Variants in ARHGDIB observed in about 807,000 individuals in gnomAD.
ARHGDIB encodes rho GDP-dissociation inhibitor 2.
In ARHGDIB, 20 loss-of-function variants were observed where a neutral mutation model predicts 22.6. The observed-to-expected ratio is 0.88, with a 90% CI of 0.62 to 1.28. The LOEUF (loss-of-function observed/expected upper bound fraction) is 1.28. Among genes scored for constraint, ARHGDIB ranks in the 50% most tolerant of loss-of-function variants. The probability of loss-of-function intolerance (pLI) is 0.00; values close to 1 mark genes in which losing one functional copy is unlikely to be tolerated. For synonymous variants in ARHGDIB, 114 were observed against 96.1 expected, an observed-to-expected ratio of 1.19 and a Z score of -1.09; for missense variants, 254 against 245.4, an observed-to-expected ratio of 1.04 and a Z score of -0.23.
chr12:14,942,726 G>C lies in ARHGDIB; in HGVS notation c.407-5C>G. The stretch of plus-strand genomic sequence containing the variant: ...CCATAAATGTTGCTTTATCCACTAA[G>C]AAGAAAGAAGAGTTCATTAGGGTAA... On this transcript the variant is annotated splice_region_variant and splice_polypyrimidine_tract_variant and intron_variant, in intron 5 of 5. Coordinates refer to ENST00000228945, the MANE Select transcript of ARHGDIB (RefSeq NM_001175.7). The C allele has an allele frequency of 1.2e-6, 2 of 1,613,270 alleles. No homozygotes were observed. The highest frequency in any genetic ancestry group is 1.7e-6 in the Non-Finnish European group (2 of 1,179,838).
intron 4 of ARHGDIB, among the ~76,000 whole-genome samples, chr12:14,947,312 A>G (rs1864041255): frequency 6.6e-6 from 1 of 152,198 alleles, no homozygotes; most frequent in Non-Finnish European, 1.5e-5. Flanking sequence ...TTTCCTGGTT[A>G]CCTGTTCCAC....
Position 14,950,892 on chromosome 12 carries a change from A to C in ARHGDIB, c.-12-168T>G, listed in dbSNP as rs2302747. 5.8e-3 allele frequency: 3,248 copies of C among 557,322 alleles called. 62 individuals are homozygous for C. Among genetic ancestry groups the C allele is most frequent in the African/African-American group, 0.05 (2,622 of 52,662 alleles). 34.5% of individuals were successfully genotyped at this position (557,322 alleles called of 1,614,324 possible). On this transcript the variant is annotated intron_variant, in intron 1 of 5. Transcript: ENST00000228945. ...ATTAAATTCTATGAAATAATAATCTAATGTATTCTAGTAATTTCTCTGACC... is the reference window on the plus strand; with the variant it reads ...ATTAAATTCTATGAAATAATAATCTCATGTATTCTAGTAATTTCTCTGACC...
At chr12:14,956,984 G>C (rs1864314042) in intron 1 of ARHGDIB, among the ~76,000 whole-genome samples, 1 of 152,216 alleles carries the variant, frequency 6.6e-6, no homozygotes, top group Admixed American at 6.5e-5. Context: ...TGTCAGGATA[G>C]AGCATCATCT....
In ARHGDIB at chr12:14,942,138, C is replaced by T. The variant is rs751524135; in HGVS notation, c.*384G>A. ...GACTAGGGACTCATTGGGCCAGCAACAACCACAAAAGAATCTAGGCATTAG... is the reference window on the plus strand; with the variant it reads ...GACTAGGGACTCATTGGGCCAGCAATAACCACAAAAGAATCTAGGCATTAG... On this transcript the variant is annotated 3_prime_UTR_variant, in exon 6 of 6. Transcript: ENST00000228945. 1 of 217,774 alleles carries T rather than the reference C, an allele frequency of 4.6e-6. No individual in the cohort carries two copies. 13.5% of individuals were successfully genotyped at this position (217,774 alleles called of 1,614,324 possible).
chr12:14,942,527 C>A lies in ARHGDIB; in HGVS notation c.601G>T (p.Glu201Ter), dbSNP rs1437780684. 6 of 1,614,116 alleles carry A rather than the reference C, an allele frequency of 3.7e-6. 2 individuals are homozygous for A. The South Asian group carries it at 6.6e-5, about 18-fold the overall frequency. The change falls in exon 6 of 6, where the codon GAA becomes TAA. Residue 201 changes from glutamate to a stop codon, truncating the protein, a stop_gained. Transcript: ENST00000228945. LOFTEE classifies it high-confidence loss of function. Reference sequence around the variant, plus strand: ...GGGGAAAGGGGTGGATGCATTCATTCTGTCCACTCCTTCTTAATCGACAGG... The same window carrying A: ...GGGGAAAGGGGTGGATGCATTCATTATGTCCACTCCTTCTTAATCGACAGG... ...WNLSIKKEWT[E>*] is the part of the protein sequence containing the mutation.
intron 3 of ARHGDIB, among the ~76,000 whole-genome samples, 188 bp from the exon 4 acceptor site, chr12:14,948,137 C>CACAA (rs1565460774): frequency 4.1e-5 from 6 of 145,390 alleles, no homozygotes; most frequent in Non-Finnish European, 7.6e-5. Context: ...CACACACACA[C>CACAA]TTAATGCCTG....
intron 5 of ARHGDIB, among the ~76,000 whole-genome samples, chr12:14,943,377 G>GTTTTT (rs10713403): frequency 2.1e-5 from 3 of 143,886 alleles, no homozygotes; most frequent in African/African-American, 7.8e-5. Flanking sequence ...GATTAAGCCT[G>GTTTTT]TTTTTTTTTT....
At chr12:14,959,690 CAG>C (rs1318016644) in intron 1 of ARHGDIB, among the ~76,000 whole-genome samples, 12 of 152,230 alleles carry the variant, frequency 7.9e-5, no homozygotes, top group African/African-American at 2.2e-4. Flanking sequence ...CTACTGAAAA[CAG>C]AACCTTAATG....
chr12:14,948,000 TTAA>T (rs1429167425), intron 3 of ARHGDIB, 51 bp from the exon 4 acceptor site: 1 of 1,492,672 alleles, frequency 6.7e-7, no homozygotes, highest in Admixed American at 1.7e-5. Flanking sequence ...GATACACAAG[TTAA>T]TAAATGACTT....
At chr12:14,948,222 C>G (rs1469516146) in intron 3 of ARHGDIB, among the ~76,000 whole-genome samples, 1 of 152,004 alleles carries the variant, frequency 6.6e-6, no homozygotes, top group African/African-American at 2.4e-5. Flanking sequence ...TAAAAATACA[C>G]AAGACATTAC....
rs755235763 is a variant in ARHGDIB at position 14,947,916 on chromosome 12, A to C, written c.299T>G (p.Val100Gly). The part of the protein sequence containing the change: ...DLEALKKETI[V>G]LKEGSEYRVK... ...TCTATATTCAGAACCTTCCTTTAAC[A>C]CAATGGTTTCCTTTTTGAGGGCTTC... Residue 100 changes from valine (V) to glycine (G), a missense_variant, in exon 4 of 6, where the codon GTG (valine) becomes GGG (glycine). By Grantham distance (109) the Val-to-Gly change is moderately radical. Coordinates refer to ENST00000228945, the MANE Select transcript of ARHGDIB (RefSeq NM_001175.7). 1.9e-6 allele frequency: 3 copies of C among 1,613,378 alleles called. No individual in the cohort carries two copies. The highest frequency in any genetic ancestry group is 1.7e-5 in the Admixed American group (1 of 60,020).
chr12:14,947,121 G>C (rs768527869), intron 4 of ARHGDIB, among the ~76,000 whole-genome samples: 2 of 152,214 alleles, frequency 1.3e-5, no homozygotes, highest in African/African-American at 2.4e-5. Flanking sequence ...CCTGGAGACT[G>C]AGGCTAAGTG....
intron 4 of ARHGDIB, among the ~76,000 whole-genome samples, chr12:14,946,868 C>T (rs1183383478): frequency 2.6e-5 from 4 of 152,178 alleles, no homozygotes; most frequent in Non-Finnish European, 5.9e-5. Context: ...AATGCCTTAC[C>T]AAACCTTCAG....
At chr12:14,957,323 C>G (rs1220648865) in intron 1 of ARHGDIB, among the ~76,000 whole-genome samples, 1 of 152,156 alleles carries the variant, frequency 6.6e-6, no homozygotes, top group Non-Finnish European at 1.5e-5. Flanking sequence ...TGTTCCCTTC[C>G]TCTTCTTCCT....
intron 5 of ARHGDIB, among the ~76,000 whole-genome samples, chr12:14,944,057 T>C (rs554090645): frequency 1.4e-3 from 206 of 151,928 alleles, no homozygotes; most frequent in Non-Finnish European, 2.6e-3. Context: ...GCTTATTAAT[T>C]TGGTGGAAAC....
At chr12:14,955,313 T>C (rs1378417567) in intron 1 of ARHGDIB, among the ~76,000 whole-genome samples, 1 of 152,226 alleles carries the variant, frequency 6.6e-6, no homozygotes, top group African/African-American at 2.4e-5. Context: ...TTAAAATTCC[T>C]TTCCTAATAT....
chr12:14,947,256 C>T (rs895164816), intron 4 of ARHGDIB, among the ~76,000 whole-genome samples: 10 of 152,182 alleles, frequency 6.6e-5, no homozygotes, highest in African/African-American at 2.2e-4. Flanking sequence ...ATATATGGCT[C>T]ATTGGGATAT....
At position 14,959,604 on chromosome 12, in the gene ARHGDIB, T is replaced by C. The variant is rs150078483; in HGVS notation, c.-13+1933A>G. Among the ~76,000 whole-genome samples, 81 of 152,248 alleles carry C rather than the reference T, an allele frequency of 5.3e-4. 2 individuals are homozygous for C. In the South Asian group the frequency reaches 0.013, roughly 25 times the overall value. On this transcript the variant is annotated intron_variant, in intron 1 of 5. Transcript: ENST00000228945. ...CTTCTCTTTTCCTGCTAGCTGATGTTTGTCATGTACTGTGCTCTCCCAAAT... is the reference window on the plus strand; with the variant it reads ...CTTCTCTTTTCCTGCTAGCTGATGTCTGTCATGTACTGTGCTCTCCCAAAT...
intron 1 of ARHGDIB, among the ~76,000 whole-genome samples, chr12:14,954,676 C>T (rs990035628): frequency 6.6e-6 from 1 of 152,196 alleles, no homozygotes; most frequent in African/African-American, 2.4e-5. Context: ...TTTTCTAAGG[C>T]CTCCGCATAT....
Sources: allele counts gnomAD v4.1 joint callset (sites outside exome capture counted in the v4.1 genomes callset), GRCh38; gene constraint gnomAD v4.1.1; transcripts MANE v1.5; gene names NCBI Gene and HGNC (gene_info 2026-07-23, HGNC 2026-07-21).